LRRC63: variants seen among roughly 807,000 people sequenced by gnomAD.
The protein encoded by LRRC63 is leucine rich repeat containing 63.
Under a neutral mutation model 49.5 loss-of-function variants are expected in LRRC63, and 40 were observed. The observed-to-expected ratio is 0.81, with a 90% confidence interval of 0.63 to 1.05. The LOEUF is 1.05. Among genes scored for constraint, LRRC63 ranks in the 50% least tolerant of loss-of-function variants. LRRC63 has a pLI of 0.00. For missense variants in LRRC63, 636 were observed against 663.1 expected (o/e 0.96, Z 0.45); for synonymous variants, 191 against 221.1 (o/e 0.86, Z 1.21).
chr13:46,258,786 T>C (rs1023867966), intron 7 of LRRC63, among the ~76,000 whole-genome samples: 1 of 131,618 alleles, frequency 7.6e-6, no homozygotes, highest in African/African-American at 3.0e-5. Flanking sequence ...TCCAGCCTGG[T>C]GACAGAGCAA....
At chr13:46,265,680 G>A (rs1190248964) in intron 8 of LRRC63, among the ~76,000 whole-genome samples, 1 of 152,174 alleles carries the variant, frequency 6.6e-6, no homozygotes, top group Non-Finnish European at 1.5e-5. Flanking sequence ...TTGAATTTTG[G>A]GGGGACAGAA....
chr13:46,273,601 TA>T (rs66994107), intron 9 of LRRC63, among the ~76,000 whole-genome samples: 3,813 of 109,438 alleles, frequency 0.035, 166 homozygotes, highest in African/African-American at 0.11. Context: ...GAATCTGCCT[TA>T]AAAAAAAAAA....
At chr13:46,244,211 T>G (rs2047147958) in intron 5 of LRRC63, among the ~76,000 whole-genome samples, 2 of 152,088 alleles carry the variant, frequency 1.3e-5, no homozygotes, top group Admixed American at 1.3e-4. Flanking sequence ...ACAACAGGAG[T>G]ACAAAAGGTT....
At chr13:46,250,481 C>T in exon 7 of LRRC63, 1 of 1,532,744 alleles carries the variant, frequency 6.5e-7, no homozygotes, top group African/African-American at 1.4e-5. Flanking sequence ...AATTACTGTT[C>T]TTCCAATTGG....
chr13:46,218,792 G>T (rs1009838876), intron 2 of LRRC63, among the ~76,000 whole-genome samples: 2 of 152,150 alleles, frequency 1.3e-5, no homozygotes, highest in African/African-American at 4.8e-5. Context: ...TGTAAGGCAG[G>T]CCTGGTGGTG....
chr13:46,276,230 T>TAAA lies in LRRC63; in HGVS notation c.1551-358_1551-357insAAA, dbSNP rs1434494091. On this transcript the variant is annotated intron_variant, in intron 9 of 9. Coordinates refer to ENST00000595396, the Ensembl canonical transcript of LRRC63. Reference sequence around the variant, plus strand: ...TATATTTATTTTGTATCATAAAAAATAACATGTTTATTATAAAAAATTAGA... The same window carrying TAAA: ...TATATTTATTTTGTATCATAAAAAATAAAAACATGTTTATTATAAAAAATTAGA... Among the ~76,000 whole-genome samples the TAAA allele has an allele frequency of 3.3e-3, 505 of 152,102 alleles. 2 individuals carry two copies. Among genetic ancestry groups the TAAA allele is most frequent in the African/African-American group, 0.011 (477 of 41,520 alleles).
Position 46,212,930 on chromosome 13 carries a change from TA to T in LRRC63, c.-33-70del, listed in dbSNP as rs542869750. 322 of 738,222 alleles carry T rather than the reference TA, an allele frequency of 4.4e-4. No homozygotes were observed. The East Asian group carries it at 8.3e-3, about 19-fold the overall frequency. 45.7% of individuals were successfully genotyped at this position (738,222 alleles called of 1,614,324 possible). On this transcript the variant is annotated intron_variant, in intron 1 of 9. Coordinates refer to ENST00000595396, the Ensembl canonical transcript of LRRC63. ...GTACAGAATGATTTTCTTTAAGATGTAATCTAAATTCTTATTATTTTTCAAC... is the reference window on the plus strand; with the variant it reads ...GTACAGAATGATTTTCTTTAAGATGTATCTAAATTCTTATTATTTTTCAAC...
chr13:46,219,096 G>A lies in LRRC63; in HGVS notation c.85+5977G>A, dbSNP rs191841791. On this transcript the variant is annotated intron_variant, in intron 2 of 9. Transcript: ENST00000595396. ...TATGTGTCTTGGGGTTGCTCTTCTCGAGGAGTATCTTTGTTGTGTTCCCTG... is the reference window on the plus strand; with the variant it reads ...TATGTGTCTTGGGGTTGCTCTTCTCAAGGAGTATCTTTGTTGTGTTCCCTG... Among the ~76,000 whole-genome samples the A allele has an allele frequency of 1.1e-4, 17 of 152,166 alleles. No homozygotes were observed. The East Asian group carries it at 2.9e-3, about 26-fold the overall frequency.
intron 7 of LRRC63, among the ~76,000 whole-genome samples, chr13:46,257,890 A>T (rs1415153304): frequency 6.6e-6 from 1 of 151,892 alleles, no homozygotes; most frequent in Non-Finnish European, 1.5e-5. Flanking sequence ...TTTTTCTTAT[A>T]GTTTCCATAT....
chr13:46,255,643 C>CAAAAAAAAAAAA (rs1445296831), intron 7 of LRRC63, among the ~76,000 whole-genome samples: 17 of 95,668 alleles, frequency 1.8e-4, no homozygotes, highest in African/African-American at 1.1e-3. Flanking sequence ...GACCCTGCCT[C>CAAAAAAAAAAAA]AAATATATAT....
intron 5 of LRRC63, among the ~76,000 whole-genome samples, chr13:46,240,640 G>A (rs1418604564): frequency 6.6e-6 from 1 of 152,102 alleles, no homozygotes; most frequent in Non-Finnish European, 1.5e-5. Flanking sequence ...AAAGTCTCAG[G>A]CTACAAAATC....
At chr13:46,258,618 G>A (rs140121029) in intron 7 of LRRC63, among the ~76,000 whole-genome samples, 7 of 150,312 alleles carry the variant, frequency 4.7e-5, no homozygotes, top group African/African-American at 9.8e-5. Flanking sequence ...GACCATCCTG[G>A]CCAACATGGT....
intron 5 of LRRC63, among the ~76,000 whole-genome samples, chr13:46,237,424 C>G (rs1344824172): frequency 1.3e-5 from 2 of 152,022 alleles, no homozygotes; most frequent in Non-Finnish European, 2.9e-5. Context: ...AACAAATATA[C>G]CAACATGGTG....
intron 5 of LRRC63, among the ~76,000 whole-genome samples, chr13:46,237,506 A>G (rs1291616651): frequency 6.6e-6 from 1 of 152,160 alleles, no homozygotes; most frequent in Non-Finnish European, 1.5e-5. Context: ...GAAAAATCTC[A>G]AATTAAGAAC....
intron 2 of LRRC63, among the ~76,000 whole-genome samples, chr13:46,217,128 T>G (rs2046274043): frequency 6.6e-6 from 1 of 152,218 alleles, no homozygotes; most frequent in Non-Finnish European, 1.5e-5. Flanking sequence ...CCTTATAAAA[T>G]GAGTTAGGGA....
At chr13:46,255,645 A>AATATATATATATATAT (rs142798828) in intron 7 of LRRC63, among the ~76,000 whole-genome samples, 40 of 129,442 alleles carry the variant, frequency 3.1e-4, no homozygotes, top group South Asian at 2.1e-3. Flanking sequence ...CCCTGCCTCA[A>AATATATATATATATAT]ATATATATAT....
intron 4 of LRRC63, among the ~76,000 whole-genome samples, chr13:46,232,939 T>C (rs2046806235): frequency 6.6e-6 from 1 of 152,188 alleles, no homozygotes; most frequent in Non-Finnish European, 1.5e-5. Context: ...AATAAAATTC[T>C]AGAACAATAA....
intron 2 of LRRC63, among the ~76,000 whole-genome samples, chr13:46,215,188 A>G (rs1593991369): frequency 1.3e-5 from 2 of 152,240 alleles, no homozygotes; most frequent in East Asian, 1.9e-4. Context: ...GAATCCTTAT[A>G]CTGTCTTCCA....
intron 9 of LRRC63, among the ~76,000 whole-genome samples, chr13:46,274,920 T>A (rs539769260): frequency 6.6e-6 from 1 of 152,294 alleles, no homozygotes; most frequent in African/African-American, 2.4e-5. Flanking sequence ...TCACCTACAG[T>A]GCTATAGAAC....
Sources: allele counts gnomAD v4.1 joint callset (sites outside exome capture counted in the v4.1 genomes callset), GRCh38; gene constraint gnomAD v4.1.1; transcripts MANE v1.5; gene names NCBI Gene and HGNC (gene_info 2026-07-23, HGNC 2026-07-21).